The following GRIN2B variants were observed in gnomAD, a reference collection of about 807,000 sequenced individuals.
GRIN2B encodes the protein glutamate receptor ionotropic, NMDA 2B.
GRIN2B carries 5 observed loss-of-function variants against 114.5 expected under a neutral mutation model. The observed-to-expected ratio is 0.04, with a 90% CI of 0.02 to 0.09. The LOEUF is 0.09. GRIN2B is among the 10% of genes least tolerant of loss of function. GRIN2B has a pLI of 1.00. For synonymous variants in GRIN2B, 787 were observed against 745.1 expected (o/e 1.06, Z -0.92); for missense variants, 1,108 against 1,943.5 (o/e 0.57, Z 8.08).
chr12:13,723,930 T>C (rs570236311), intron 4 of GRIN2B, among the ~76,000 whole-genome samples: 8 of 152,056 alleles, frequency 5.3e-5, no homozygotes, highest in Admixed American at 1.3e-4. Context: ...AGAGACTAAA[T>C]GCATAACCTT....
intron 5 of GRIN2B, among the ~76,000 whole-genome samples, chr12:13,665,566 A>G (rs1281081622): frequency 6.6e-6 from 1 of 152,244 alleles, no homozygotes; most frequent in East Asian, 1.9e-4. Flanking sequence ...ACGGAGCTAG[A>G]TGTAAATGTC....
At chr12:13,809,001 T>C (rs1591744350) in intron 3 of GRIN2B, among the ~76,000 whole-genome samples, 1 of 152,064 alleles carries the variant, frequency 6.6e-6, no homozygotes, top group African/African-American at 2.4e-5. Context: ...TAGAGTACAG[T>C]GGAGGTGTAA....
At chr12:13,586,294 A>G (rs1168241287) in intron 10 of GRIN2B, among the ~76,000 whole-genome samples, 1 of 152,212 alleles carries the variant, frequency 6.6e-6, no homozygotes, top group Admixed American at 6.5e-5. Context: ...TATCCTAGAA[A>G]CTGTCATTAC....
intron 4 of GRIN2B, chr12:13,683,467 T>C (rs1197272872): frequency 6.6e-6 from 1 of 152,180 alleles, no homozygotes; most frequent in East Asian, 1.9e-4. Context: ...CTTTCCTTAT[T>C]TTCTTCACCA....
Position 13,563,742 on chromosome 12 carries a change from A to T in GRIN2B, c.3496T>A (p.Ser1166Thr), listed in dbSNP as rs942708350. ...KERSDDFKRD[S>T]VSGGGPCTNR... ...GTACAGGGCCCTCCTCCGCTGACGG[A>T]GTCGCGCTTAAAGTCATCACTCCGC... The change falls in exon 14 of 14, where the codon TCC (serine) becomes ACC (threonine). Residue 1166 changes from serine (S) to threonine (T), a missense_variant. By Grantham distance (58) the Ser-to-Thr change is moderately conservative (BLOSUM62 1). Around this residue, in one of 19 missense-constraint regions of GRIN2B, gnomAD observed 478 missense variants for 506.0 expected, o/e 0.94. Coordinates refer to ENST00000609686, the MANE Select transcript of GRIN2B (RefSeq NM_000834.5). 2 of 1,613,918 alleles carry T rather than the reference A, an allele frequency of 1.2e-6. No individual in the cohort carries two copies. Among genetic ancestry groups the T allele is most frequent in the African/African-American group, 1.3e-5 (1 of 75,040 alleles).
rs1371805065 is a variant in GRIN2B, at chr12:13,551,042, A to C, written c.*11741T>G. 1 of 25,598 alleles carries C rather than the reference A, an allele frequency of 3.9e-5. No individual in the cohort carries two copies. Among genetic ancestry groups the C allele is most frequent in the Non-Finnish European group, 9.1e-4 (1 of 1,098 alleles). The allele number at this position is 25,598 out of a possible 1,614,324, so 1.6% of individuals were successfully genotyped here. ...TTTACTACTTCATGTTTTTCTCAGT[A>C]AGAGTTCCACCTCCACCTAGATGCT... On this transcript the variant is annotated 3_prime_UTR_variant, in exon 14 of 14. Coordinates refer to ENST00000609686, the MANE Select transcript of GRIN2B (RefSeq NM_000834.5).
chr12:13,708,902 A>G (rs1004456402), intron 4 of GRIN2B, among the ~76,000 whole-genome samples: 4 of 152,100 alleles, frequency 2.6e-5, no homozygotes, highest in Non-Finnish European at 5.9e-5. Context: ...GATACATAGA[A>G]CAAAGATCCT....
chr12:13,729,315 T>C (rs1309750402), intron 4 of GRIN2B, among the ~76,000 whole-genome samples: 5 of 152,218 alleles, frequency 3.3e-5, no homozygotes, highest in African/African-American at 1.2e-4. Context: ...TTCCCACAGC[T>C]GCACCCAGCT....
intron 5 of GRIN2B, among the ~76,000 whole-genome samples, chr12:13,669,018 G>A (rs1293838179): frequency 7.2e-6 from 1 of 139,376 alleles, no homozygotes; most frequent in Non-Finnish European, 1.6e-5. Context: ...GGGAGGGGAG[G>A]GAGGGGAGGT....
Position 13,615,187 on chromosome 12 carries a change from C to T in GRIN2B, c.1581G>A (p.Val527=), listed in dbSNP as rs2136479424. Residue 527 remains valine, a synonymous_variant, in exon 8 of 14, where the codon GTG becomes GTA. Coordinates refer to ENST00000609686, the MANE Select transcript of GRIN2B (RefSeq NM_000834.5). This position sits in a 1 kb window ranked among gnomAD's most constrained non-coding sequence, Gnocchi z 5.8. ...CACTGATGCCTGTCTCTATGAAGGGCACAGAGAAGTCGACCACCTCCGATC... is the reference window on the plus strand; with the variant it reads ...CACTGATGCCTGTCTCTATGAAGGGTACAGAGAAGTCGACCACCTCCGATC... ...EERSEVVDFS[V]PFIETGISVM... 4 of 1,613,384 alleles carry T rather than the reference C, an allele frequency of 2.5e-6. No homozygotes were observed. Among genetic ancestry groups the T allele is most frequent in the Non-Finnish European group, 1.7e-6 (2 of 1,179,310 alleles).
At chr12:13,911,871 A>G (rs1395261485) in intron 2 of GRIN2B, among the ~76,000 whole-genome samples, 1 of 152,182 alleles carries the variant, frequency 6.6e-6, no homozygotes, top group Non-Finnish European at 1.5e-5. Context: ...CTACGAAGAA[A>G]GCATTTAGCA....
intron 10 of GRIN2B, among the ~76,000 whole-genome samples, chr12:13,586,373 G>A (rs1490479536): frequency 6.6e-6 from 1 of 152,090 alleles, no homozygotes; most frequent in Admixed American, 6.5e-5. Flanking sequence ...AAGTGGCAAG[G>A]GGACATAGTT....
intron 3 of GRIN2B, among the ~76,000 whole-genome samples, chr12:13,847,171 G>T (rs1865485497): frequency 6.6e-6 from 1 of 152,076 alleles, no homozygotes; most frequent in South Asian, 2.1e-4. Flanking sequence ...TACAAAATGT[G>T]AATCTATGAT....
At chr12:13,620,502 C>T (rs1184931129) in intron 5 of GRIN2B, among the ~76,000 whole-genome samples, 1 of 152,188 alleles carries the variant, frequency 6.6e-6, no homozygotes, top group African/African-American at 2.4e-5. Flanking sequence ...TCAACCAGCT[C>T]ACCACTGCCC....
chr12:13,862,150 C>A (rs2136742111), intron 3 of GRIN2B, among the ~76,000 whole-genome samples: 1 of 152,258 alleles, frequency 6.6e-6, no homozygotes, highest in South Asian at 2.1e-4. Context: ...ATATAAAGCT[C>A]ATTTCCTCTT....
chr12:13,674,769 G>A (rs1225217965), intron 5 of GRIN2B, among the ~76,000 whole-genome samples: 1 of 151,846 alleles, frequency 6.6e-6, no homozygotes, highest in African/African-American at 2.4e-5. Context: ...TGAACAAAGG[G>A]GTCTCAAGGT....
Position 13,596,035 on chromosome 12 carries a change from A to T in GRIN2B, c.2010+12568T>A, listed in dbSNP as rs1415366113. Among the ~76,000 whole-genome samples, 4 of 152,188 alleles carry T rather than the reference A, an allele frequency of 2.6e-5. No individual in the cohort carries two copies. In the East Asian group the frequency reaches 5.8e-4, roughly 22 times the overall value. On this transcript the variant is annotated intron_variant, in intron 10 of 13. Coordinates refer to ENST00000609686, the MANE Select transcript of GRIN2B (RefSeq NM_000834.5). ...GTGCATTTTTTTTCTGTAAGAAAAA[A>T]AAAAAAGGCTCACTTCCCAGAGGTT...
chr12:13,571,235 G>T (rs1948704733), intron 11 of GRIN2B, among the ~76,000 whole-genome samples: 1 of 152,068 alleles, frequency 6.6e-6, no homozygotes, highest in African/African-American at 2.4e-5. Flanking sequence ...GTGGCTTGTG[G>T]AGGCCAAATG....
chr12:13,844,362 C>T (rs545071792), intron 3 of GRIN2B, among the ~76,000 whole-genome samples: 2 of 152,276 alleles, frequency 1.3e-5, no homozygotes, highest in African/African-American at 4.8e-5. Context: ...CAATCAATGT[C>T]TAGGCCCTTA....
Sources: gnomAD v4.1 joint callset for allele counts (sites outside exome capture counted in the v4.1 genomes callset) on GRCh38, gnomAD v4.1.1 for gene constraint, gnomAD v4.1.1 regional missense constraint, Gnocchi (gnomAD v3.1) non-coding constraint, MANE v1.5 for transcripts, NCBI Gene and HGNC (gene_info 2026-07-23, HGNC 2026-07-21) for gene names.